Variants in CRISPLD2 observed in about 807,000 individuals in gnomAD.
CRISPLD2 encodes the protein cysteine-rich secretory protein LCCL domain-containing 2.
A neutral mutation model predicts 71.1 loss-of-function variants in CRISPLD2; 47 were observed. The observed-to-expected ratio is 0.66, with a 90% CI of 0.52 to 0.84. The LOEUF (loss-of-function observed/expected upper bound fraction) is 0.84, where lower values mean the gene tolerates loss of function less well. CRISPLD2 is among the 40% of genes least tolerant of loss of function. CRISPLD2 has a pLI of 0.00. For synonymous variants in CRISPLD2, 317 were observed against 250.1 expected (o/e 1.27, Z -2.52); for missense variants, 830 against 651.1 (o/e 1.27, Z -2.99).
At chr16:84,836,341 G>C (rs1438616624) in intron 1 of CRISPLD2, 1 of 152,148 alleles carries the variant, frequency 6.6e-6, no homozygotes, top group African/African-American at 2.4e-5. Flanking sequence ...CCTGCAGCTG[G>C]AAATGCTCAT....
chr16:84,899,305 C>G (rs988607773), intron 14 of CRISPLD2, among the ~76,000 whole-genome samples: 4 of 152,124 alleles, frequency 2.6e-5, no homozygotes, highest in Non-Finnish European at 5.9e-5. Flanking sequence ...AATACTGCAG[C>G]AATTTATACT....
chr16:84,856,802 C>T (rs908300086), intron 6 of CRISPLD2, among the ~76,000 whole-genome samples: 1 of 152,206 alleles, frequency 6.6e-6, no homozygotes, highest in African/African-American at 2.4e-5. Flanking sequence ...CATGGTAAAA[C>T]CAGTGAATTC....
chr16:84,854,932 T>A, intron 6 of CRISPLD2, 103 bp downstream of exon 6: 2 of 911,030 alleles, frequency 2.2e-6, no homozygotes, highest in Non-Finnish European at 3.6e-6. Flanking sequence ...CAGTCACCCC[T>A]CCTGGCCCTA....
At chr16:84,848,981 G>C (rs1268320208) in intron 3 of CRISPLD2, among the ~76,000 whole-genome samples, 1 of 94,346 alleles carries the variant, frequency 1.1e-5, no homozygotes, top group African/African-American at 3.7e-5. Flanking sequence ...GCGAGACTCC[G>C]TCTCAAAAAA....
chr16:84,903,034 C>T (rs1447727136), intron 14 of CRISPLD2, among the ~76,000 whole-genome samples: 2 of 152,142 alleles, frequency 1.3e-5, no homozygotes, highest in Non-Finnish European at 1.5e-5. Context: ...TCCCAAAGTG[C>T]TGGGATTACA....
chr16:84,903,865 G>C (rs1218197445), intron 14 of CRISPLD2, among the ~76,000 whole-genome samples: 1 of 152,158 alleles, frequency 6.6e-6, no homozygotes, highest in Admixed American at 6.5e-5. Context: ...AGAACAGAGG[G>C]ATCTGTGGTG....
At chr16:84,881,393 C>T (rs2071567413) in intron 13 of CRISPLD2, among the ~76,000 whole-genome samples, 3 of 152,144 alleles carry the variant, frequency 2.0e-5, no homozygotes, top group Admixed American at 2.0e-4. Flanking sequence ...GAGCTTTAGC[C>T]CGGTTTTTCT....
At chr16:84,895,015 T>G (rs2071694043) in intron 14 of CRISPLD2, among the ~76,000 whole-genome samples, 1 of 152,166 alleles carries the variant, frequency 6.6e-6, no homozygotes. Flanking sequence ...GGCTGGGACA[T>G]GAGGTTCTCT....
Position 84,849,368 on chromosome 16 carries a change from C to A in CRISPLD2, c.360-17C>A, listed in dbSNP as rs4783087. On this transcript the variant is annotated splice_polypyrimidine_tract_variant and intron_variant, in intron 3 of 14. Coordinates refer to ENST00000262424, the MANE Select transcript of CRISPLD2 (RefSeq NM_031476.4). ...AGGGGAGGGGCTGGGACTGAGTGAG[C>A]GGTTTCTGCCCTGCAGGTATCGCTC... The A allele has an allele frequency of 0.64, 1,020,539 of 1,604,490 alleles. 329,753 individuals are homozygous for A. Among genetic ancestry groups the A allele is most frequent in the South Asian group, 0.67 (61,022 of 90,626 alleles).
At chr16:84,854,977 G>C (rs570897976) in intron 6 of CRISPLD2, 148 bp downstream of exon 6, 1 of 672,276 alleles carries the variant, frequency 1.5e-6, no homozygotes, top group East Asian at 2.7e-5. Flanking sequence ...TCCCGCCTCC[G>C]TGATGAGCTG....
chr16:84,837,277 G>A (rs1464865122), intron 1 of CRISPLD2, among the ~76,000 whole-genome samples: 1 of 152,154 alleles, frequency 6.6e-6, no homozygotes, highest in Non-Finnish European at 1.5e-5. Context: ...GAGGTAGTTG[G>A]CCCCCAGGGA....
In CRISPLD2 at chr16:84,873,893, GTTTTTTT is replaced by G; in HGVS notation, c.1113-13_1113-7del. On this transcript the variant is annotated intron_variant, in intron 10 of 14. Coordinates refer to ENST00000262424, the MANE Select transcript of CRISPLD2 (RefSeq NM_031476.4). ...TTCTATTTGCATTTACCTAATGCCCGTTTTTTTTTTTTTTTTTTTTAAACAGCAAATA... is the reference window on the plus strand; with the variant it reads ...TTCTATTTGCATTTACCTAATGCCCGTTTTTTTTTTTTTAAACAGCAAATA... 2.1e-6 allele frequency: 3 copies of G among 1,419,594 alleles called. No individual in the cohort carries two copies. Among genetic ancestry groups the G allele is most frequent in the Admixed American group, 2.3e-5 (1 of 43,180 alleles). The allele number at this position is 1,419,594 out of a possible 1,614,324, so 87.9% of individuals were successfully genotyped here.
chr16:84,906,695 C>CT lies in CRISPLD2; in HGVS notation c.*57dup. 1 of 1,598,582 alleles carries CT rather than the reference C, an allele frequency of 6.3e-7. No individual in the cohort carries two copies. The highest frequency in any genetic ancestry group is 1.1e-5 in the South Asian group (1 of 90,760). ...TCTTCAGGAGGGCTTCGGGGTTTTG[C>CT]TTTTATTTTTATTTTGTCATTGCGG... On this transcript the variant is annotated 3_prime_UTR_variant, in exon 15 of 15. Coordinates refer to ENST00000262424, the MANE Select transcript of CRISPLD2 (RefSeq NM_031476.4).
intron 3 of CRISPLD2, 111 bp downstream of exon 3, chr16:84,846,015 A>C: frequency 1.6e-6 from 1 of 638,992 alleles, no homozygotes. Flanking sequence ...GAGAGAGACC[A>C]CCCGTCCCAT....
chr16:84,877,965 C>T (rs1481635214), intron 12 of CRISPLD2, among the ~76,000 whole-genome samples: 6 of 151,340 alleles, frequency 4.0e-5, no homozygotes, highest in East Asian at 1.9e-4. Context: ...AATCCCAGCA[C>T]TTTGGGAGGC....
chr16:84,825,584 T>C (rs1307309748), intron 1 of CRISPLD2, among the ~76,000 whole-genome samples: 1 of 151,818 alleles, frequency 6.6e-6, no homozygotes, highest in Non-Finnish European at 1.5e-5. Flanking sequence ...GGCAAAACCT[T>C]GTTTCTACTG....
intron 1 of CRISPLD2, chr16:84,828,890 G>A (rs1916419830): frequency 6.6e-6 from 1 of 152,044 alleles, no homozygotes; most frequent in Non-Finnish European, 1.5e-5. Flanking sequence ...CAGACATATT[G>A]ACTCAGAAAT....
At chr16:84,845,344 G>A (rs926126975) in intron 2 of CRISPLD2, among the ~76,000 whole-genome samples, 5 of 152,232 alleles carry the variant, frequency 3.3e-5, no homozygotes, top group Non-Finnish European at 7.3e-5. Flanking sequence ...CCTGGATCAT[G>A]CGTAGTAAGG....
At position 84,854,816 on chromosome 16, in the gene CRISPLD2, C is replaced by G; in HGVS notation, c.696C>G (p.Asn232Lys). The G allele has an allele frequency of 6.2e-7, 1 of 1,613,934 alleles. No individual in the cohort carries two copies. ...GCTATGGAGGCAGCTGCAGGAACAA[C>G]TTGTGTTACCGAGGTAGGAAATTTA... is the stretch of plus-strand genomic sequence containing the variant. ...PPSYGGSCRN[N>K]LCYREETYTP... Residue 232 changes from asparagine (N) to lysine (K), a missense_variant, in exon 6 of 15, where the codon AAC (asparagine) becomes AAG (lysine). Transcript: ENST00000262424.
Sources: gnomAD v4.1 joint callset for allele counts (sites outside exome capture counted in the v4.1 genomes callset) on GRCh38, gnomAD v4.1.1 for gene constraint, MANE v1.5 for transcripts, NCBI Gene and HGNC (gene_info 2026-07-23, HGNC 2026-07-21) for gene names.